GRIA2: variants seen among roughly 807,000 people sequenced by gnomAD.
GRIA2 encodes glutamate receptor 2.
Under a neutral mutation model 97.3 loss-of-function variants are expected in GRIA2, and 14 were observed. The ratio of observed to expected loss-of-function variants is 0.14; its 90% CI spans 0.10 to 0.23. The LOEUF is 0.23. Among genes scored for constraint, GRIA2 ranks in the 10% least tolerant of loss-of-function variants. GRIA2 has a pLI of 1.00. For missense variants in GRIA2, 558 were observed against 1,069.8 expected, an observed-to-expected ratio of 0.52 and a Z score of 6.67; for synonymous variants, 412 against 387.8, an observed-to-expected ratio of 1.06 and a Z score of -0.73.
chr4:157,338,060 T>A (rs9715170), intron 11 of GRIA2, among the ~76,000 whole-genome samples: 16 of 778 alleles, frequency 0.021, no homozygotes, highest in East Asian at 0.5. Flanking sequence ...ACACACACAT[T>A]TTTTTTATCT....
intron 2 of GRIA2, among the ~76,000 whole-genome samples, chr4:157,284,592 C>T (rs1040371774): frequency 6.6e-6 from 1 of 151,620 alleles, no homozygotes; most frequent in African/African-American, 2.4e-5. Context: ...TGTATGCCCT[C>T]CATGTAACTC....
chr4:157,338,039 TATATATATATAC>T (rs1189322467), intron 11 of GRIA2, among the ~76,000 whole-genome samples: 3,933 of 17,094 alleles, frequency 0.23, 156 homozygotes, highest in South Asian at 0.49. Flanking sequence ...TATATATATA[TATATATATATAC>T]ACACACATTT....
rs1735295784 is a variant in GRIA2, at chr4:157,336,546, T to C, written c.1643T>C (p.Met548Thr). ...GATCCTTTAGCCTATGAGATCTGGA[T>C]GTGCATTGTTTTTGCCTACATTGGG... ...FLDPLAYEIW[M>T]CIVFAYIGVS... The change falls in exon 11 of 16, where the codon ATG becomes ACG. Residue 548 changes from methionine (M) to threonine (T), a missense_variant. This residue lies in a region of GRIA2 where 125 missense variants were observed against 310.2 expected (regional missense o/e 0.40). Coordinates refer to ENST00000264426, the MANE Select transcript of GRIA2 (RefSeq NM_001083619.3). 1 of 1,613,298 alleles carries C rather than the reference T, an allele frequency of 6.2e-7. No individual in the cohort carries two copies. Among genetic ancestry groups the C allele is most frequent in the Non-Finnish European group, 8.5e-7 (1 of 1,179,532 alleles).
rs779923122 is a variant in GRIA2 at position 157,327,951 on chromosome 4, C to G, written c.883-4868C>G. Among the ~76,000 whole-genome samples the G allele has an allele frequency of 9.2e-5, 14 of 152,000 alleles. No individual in the cohort carries two copies. The South Asian group carries it at 1.2e-3, about 14-fold the overall frequency. On this transcript the variant is annotated intron_variant, in intron 6 of 15. Transcript: ENST00000264426. ...TCTTGAGTGTTTTAACTGTCCAAAC[C>G]ACAGCTGGCAGACTGGCGTTCACTC...
intron 2 of GRIA2, among the ~76,000 whole-genome samples, chr4:157,250,646 T>C (rs1426016739): frequency 1.3e-5 from 2 of 152,000 alleles, no homozygotes; most frequent in Non-Finnish European, 2.9e-5. Flanking sequence ...TAGAAACATA[T>C]AAACACATAA....
In GRIA2 at chr4:157,362,873, A is replaced by C; in HGVS notation, c.2481A>C (p.Ala827=). 2 of 1,613,516 alleles carry C rather than the reference A, an allele frequency of 1.2e-6. No individual in the cohort carries two copies. Among genetic ancestry groups the C allele is most frequent in the Non-Finnish European group, 1.7e-6 (2 of 1,179,648 alleles). The change falls in exon 15 of 16, where the codon GCA becomes GCC. Residue 827 remains alanine (A), a synonymous_variant. Transcript: ENST00000264426. ...FYILVGGLGL[A]MLVALIEFCY... ...TCCTTGTCGGGGGCCTTGGTTTGGCAATGCTGGTGGCTTTGATTGAGTTCT... is the reference window on the plus strand; with the variant it reads ...TCCTTGTCGGGGGCCTTGGTTTGGCCATGCTGGTGGCTTTGATTGAGTTCT...
intron 11 of GRIA2, among the ~76,000 whole-genome samples, chr4:157,338,008 G>GTATATATATATATATATATA (rs70958818): frequency 1.3e-5 from 1 of 79,358 alleles, no homozygotes; most frequent in African/African-American, 5.0e-5. Flanking sequence ...ATATATATGT[G>GTATATATATATATATATATA]TATATATATA....
At position 157,237,884 on chromosome 4, in the gene GRIA2, G is replaced by A. The variant is rs531594935; in HGVS notation, c.229+16077G>A. Among the ~76,000 whole-genome samples the A allele has an allele frequency of 4.6e-5, 7 of 152,100 alleles. No homozygotes were observed. In the East Asian group the frequency reaches 5.8e-4, roughly 13 times the overall value. On this transcript the variant is annotated intron_variant, in intron 2 of 15. Transcript: ENST00000264426. The stretch of plus-strand genomic sequence containing the variant: ...GTAATATCACTTAAATGGACTACTC[G>A]TTTTGCATATTTCTTAACCTATATC...
At chr4:157,299,532 G>C (rs1579343598) in intron 2 of GRIA2, among the ~76,000 whole-genome samples, 1 of 152,172 alleles carries the variant, frequency 6.6e-6, no homozygotes, top group East Asian at 1.9e-4. Context: ...CAATAACTAT[G>C]CGAGGCTATT....
At chr4:157,357,665 T>G (rs1393580471) in intron 12 of GRIA2, among the ~76,000 whole-genome samples, 3 of 152,130 alleles carry the variant, frequency 2.0e-5, no homozygotes, top group Admixed American at 6.6e-5. Flanking sequence ...AGAACTTGTA[T>G]GTCTAGGTGA....
chr4:157,272,931 T>C (rs1344896773), intron 2 of GRIA2, among the ~76,000 whole-genome samples: 1 of 151,976 alleles, frequency 6.6e-6, no homozygotes. Flanking sequence ...ACTTTCCTTT[T>C]CCCCACATCT....
intron 2 of GRIA2, among the ~76,000 whole-genome samples, chr4:157,222,251 C>T (rs1016237585): frequency 6.6e-6 from 1 of 152,194 alleles, no homozygotes; most frequent in Non-Finnish European, 1.5e-5. Flanking sequence ...TGCCGGAGCC[C>T]AGTGGCCTCC....
At position 157,335,810 on chromosome 4, in the gene GRIA2, G is replaced by A. The variant is rs1292113683; in HGVS notation, c.1406G>A (p.Gly469Asp). Residue 469 changes from glycine (G) to aspartate (D), a missense_variant, in exon 10 of 16, where the codon GGC becomes GAC. Physicochemically the swap from Gly to Asp is moderately conservative, Grantham distance 94 (BLOSUM62 -1). This residue lies in a region of GRIA2 where 41 missense variants were observed against 102.2 expected (regional missense o/e 0.40). Coordinates refer to ENST00000264426, the MANE Select transcript of GRIA2 (RefSeq NM_001083619.3). Reference protein sequence around the residue: ...FKYKLTIVGDGKYGARDADTK... With the variant: ...FKYKLTIVGDDKYGARDADTK... ...TACAAGTTGACAATTGTTGGTGATG[G>A]CAAGTATGGGGCCAGGGATGCAGAC... 1.9e-6 allele frequency: 3 copies of A among 1,612,780 alleles called. No individual in the cohort carries two copies. The highest frequency in any genetic ancestry group is 2.5e-6 in the Non-Finnish European group (3 of 1,179,292).
chr4:157,256,232 TAA>T (rs1491177803), intron 2 of GRIA2, among the ~76,000 whole-genome samples: 9 of 121,162 alleles, frequency 7.4e-5, no homozygotes, highest in Admixed American at 8.9e-5. Context: ...ATATAATATA[TAA>T]TATATATATA....
intron 2 of GRIA2, among the ~76,000 whole-genome samples, chr4:157,276,849 C>G (rs542934185): frequency 1.3e-4 from 20 of 151,586 alleles, no homozygotes; most frequent in African/African-American, 3.9e-4. Context: ...TACAATTTGC[C>G]TAAACTCACA....
chr4:157,330,596 A>G (rs1411317291), intron 6 of GRIA2, among the ~76,000 whole-genome samples: 1 of 151,900 alleles, frequency 6.6e-6, no homozygotes, highest in Non-Finnish European at 1.5e-5. Context: ...GATCACAGTA[A>G]TGTATTATTG....
chr4:157,355,135 C>A (rs1273905575), intron 12 of GRIA2, among the ~76,000 whole-genome samples: 2 of 152,168 alleles, frequency 1.3e-5, no homozygotes, highest in African/African-American at 4.8e-5. Context: ...GGGAACCAAC[C>A]AGCCTGCTTG....
At chr4:157,267,250 C>T (rs1731812294) in intron 2 of GRIA2, among the ~76,000 whole-genome samples, 1 of 151,684 alleles carries the variant, frequency 6.6e-6, no homozygotes, top group Non-Finnish European at 1.5e-5. Flanking sequence ...ATGGTGAAAC[C>T]TCGTCTCTAC....
chr4:157,321,361 A>C, intron 5 of GRIA2, 77 bp from the exon 6 acceptor site: 1 of 986,304 alleles, frequency 1.0e-6, no homozygotes, highest in Non-Finnish European at 1.6e-6. Flanking sequence ...ACCACAATGT[A>C]TAGAGTTATT....
Sources: allele counts gnomAD v4.1 joint callset (sites outside exome capture counted in the v4.1 genomes callset), GRCh38; gene constraint gnomAD v4.1.1; regional missense constraint gnomAD v4.1.1; transcripts MANE v1.5; gene names NCBI Gene and HGNC (gene_info 2026-07-23, HGNC 2026-07-21).